MCTP2: variants seen among roughly 807,000 people sequenced by gnomAD.
MCTP2 encodes multiple C2 and transmembrane domain-containing protein 2.
MCTP2 carries 132 observed loss-of-function variants against 111.6 expected under a neutral mutation model. That is an observed-to-expected ratio of 1.18 (90% CI 1.03 to 1.37). The LOEUF is 1.37. Among genes scored for constraint, MCTP2 ranks in the 40% most tolerant of loss-of-function variants. The pLI, the probability that MCTP2 is intolerant of heterozygous loss-of-function variation, is 0.00. For missense variants in MCTP2, 1,183 were observed against 1,067.9 expected, an observed-to-expected ratio of 1.11 and a Z score of -1.50; for synonymous variants, 395 against 387.7, an observed-to-expected ratio of 1.02 and a Z score of -0.22.
chr15:94,476,640 ATAGATAGATAG>A (rs2074380255), intron 21 of MCTP2, 45 bp from the exon 22 acceptor site: 1 of 891,674 alleles, frequency 1.1e-6, no homozygotes, highest in Non-Finnish European at 1.9e-6. Context: ...AGATAGATAG[ATAGATAGATAG>A]ACAGACAGAC....
At chr15:94,242,950 CACAT>C (rs1398375402) in intron 1 of MCTP2, among the ~76,000 whole-genome samples, 1 of 82,212 alleles carries the variant, frequency 1.2e-5, no homozygotes, top group Non-Finnish European at 2.8e-5. Context: ...TATGTAGATA[CACAT>C]ATACACGTGT....
chr15:94,436,850 C>A (rs556978461), intron 17 of MCTP2, among the ~76,000 whole-genome samples: 1 of 147,218 alleles, frequency 6.8e-6, no homozygotes, highest in Non-Finnish European at 1.5e-5. Context: ...TTGAGTATGC[C>A]GTTAAAACCC....
chr15:94,376,445 T>G (rs571237275), intron 12 of MCTP2, among the ~76,000 whole-genome samples: 15 of 152,350 alleles, frequency 9.8e-5, no homozygotes, highest in African/African-American at 3.6e-4. Context: ...GAGACCCATG[T>G]GTTAATCTCA....
rs563106195 is a variant in MCTP2 at position 94,328,222 on chromosome 15, G to A, written c.638-11068G>A. ...CGGCTCACTGCAGGCTCTGCCTCCC[G>A]GGTTCATACCATTCTCCTGCCTCAG... is the stretch of plus-strand genomic sequence containing the variant. On this transcript the variant is annotated intron_variant, in intron 4 of 22. Transcript: ENST00000357742. 6.8e-3 allele frequency among the ~76,000 whole-genome samples: 1,014 copies of A among 149,976 alleles called. 9 individuals carry two copies. Among genetic ancestry groups the A allele is most frequent in the Middle Eastern group, 0.048 (14 of 290 alleles).
At chr15:94,476,139 GGGAAAGACAGATGA>G (rs1014519432) in intron 21 of MCTP2, among the ~76,000 whole-genome samples, 14 of 152,284 alleles carry the variant, frequency 9.2e-5, no homozygotes, top group African/African-American at 3.4e-4. Context: ...GTTGGAGGTG[GGGAAAGACAGATGA>G]CTGCGGTTTT....
intron 1 of MCTP2, among the ~76,000 whole-genome samples, chr15:94,243,053 C>CTACACATACACGTGTATATGTG (rs2071149881): frequency 2.8e-5 from 2 of 70,920 alleles, no homozygotes; most frequent in Non-Finnish European, 6.5e-5. Context: ...ATATGTGTAT[C>CTACACATACACGTGTATATGTG]TACACATACA....
At chr15:94,368,818 T>C (rs2079335398) in intron 11 of MCTP2, among the ~76,000 whole-genome samples, 1 of 152,230 alleles carries the variant, frequency 6.6e-6, no homozygotes, top group Admixed American at 6.5e-5. Context: ...TGAGGAGTTT[T>C]GTGTGTTTAT....
At chr15:94,328,184 A>T (rs1372750129) in intron 4 of MCTP2, among the ~76,000 whole-genome samples, 1 of 148,240 alleles carries the variant, frequency 6.7e-6, no homozygotes. Context: ...GCTGGAGTGC[A>T]GTGGCGTGAT....
Position 94,435,143 on chromosome 15 carries a change from G to T in MCTP2, c.2086-5033G>T, listed in dbSNP as rs890806956. Among the ~76,000 whole-genome samples the T allele has an allele frequency of 3.9e-5, 6 of 152,056 alleles. No homozygotes were observed. The East Asian group carries it at 1.2e-3, about 29-fold the overall frequency. On this transcript the variant is annotated intron_variant, in intron 17 of 22. Coordinates refer to ENST00000357742, the MANE Select transcript of MCTP2 (RefSeq NM_001385001.1). ...GCCTCCCAAAGTGCTAGGGTTACAG[G>T]CATGAGCCACCGTACCCAGCCTGCA...
intron 18 of MCTP2, among the ~76,000 whole-genome samples, chr15:94,441,015 G>A (rs2083752793): frequency 1.3e-5 from 2 of 151,798 alleles, no homozygotes; most frequent in Middle Eastern, 3.4e-3. Context: ...TTTTTATGAT[G>A]TAATCTAGGC....
At chr15:94,303,289 G>C (rs1428456796) in intron 2 of MCTP2, among the ~76,000 whole-genome samples, 1 of 151,618 alleles carries the variant, frequency 6.6e-6, no homozygotes, top group East Asian at 1.9e-4. Context: ...TGAAGAATTT[G>C]GATTCGGATG....
intron 16 of MCTP2, 56 bp from the exon 17 acceptor site, chr15:94,401,844 A>G: frequency 3.5e-6 from 5 of 1,409,788 alleles, no homozygotes; most frequent in Middle Eastern, 1.8e-4. Flanking sequence ...CCTGATCTAG[A>G]TGGAATATTT....
chr15:94,243,938 CAT>C (rs1260198886), intron 1 of MCTP2, among the ~76,000 whole-genome samples: 5 of 144,540 alleles, frequency 3.5e-5, no homozygotes, highest in African/African-American at 7.7e-5. Context: ...TATGTGTACA[CAT>C]ACATATATGT....
At chr15:94,460,689 C>A (rs2085138639) in intron 20 of MCTP2, among the ~76,000 whole-genome samples, 1 of 152,220 alleles carries the variant, frequency 6.6e-6, no homozygotes, top group Non-Finnish European at 1.5e-5. Context: ...AGGCTCCCAA[C>A]CCTGCAGTGC....
intron 2 of MCTP2, among the ~76,000 whole-genome samples, chr15:94,308,496 C>G (rs1450881192): frequency 1.3e-5 from 2 of 152,224 alleles, no homozygotes; most frequent in Non-Finnish European, 2.9e-5. Flanking sequence ...GCTCTGCTTT[C>G]CTCTTTGCCA....
chr15:94,440,799 C>G (rs1319055482), intron 18 of MCTP2, among the ~76,000 whole-genome samples: 1 of 152,206 alleles, frequency 6.6e-6, no homozygotes, highest in East Asian at 1.9e-4. Context: ...TTAGATCCAT[C>G]TATTTGCAGG....
chr15:94,408,287 G>GT (rs1422738873), intron 17 of MCTP2, among the ~76,000 whole-genome samples: 8 of 152,228 alleles, frequency 5.3e-5, no homozygotes, highest in African/African-American at 1.9e-4. Context: ...AGAAATTTCA[G>GT]TTACAATAAC....
chr15:94,442,772 A>T, intron 18 of MCTP2, 147 bp from the exon 19 acceptor site: 1 of 654,082 alleles, frequency 1.5e-6, no homozygotes, highest in Non-Finnish European at 2.7e-6. Context: ...CCTGAACTTT[A>T]AAAGAGTTAT....
chr15:94,444,770 A>G (rs1263925462), intron 19 of MCTP2, among the ~76,000 whole-genome samples: 1 of 152,238 alleles, frequency 6.6e-6, no homozygotes, highest in African/African-American at 2.4e-5. Flanking sequence ...ATAACATCAC[A>G]TTAGGCAAAA....
Sources: allele counts gnomAD v4.1 joint callset (sites outside exome capture counted in the v4.1 genomes callset), GRCh38; gene constraint gnomAD v4.1.1; transcripts MANE v1.5; gene names NCBI Gene and HGNC (gene_info 2026-07-23, HGNC 2026-07-21).